Variants in ZC3H12B observed in about 807,000 individuals in gnomAD.
ZC3H12B encodes probable ribonuclease ZC3H12B.
A neutral mutation model predicts 43.9 loss-of-function variants in ZC3H12B; 7 were observed. That is an observed-to-expected ratio of 0.16 (90% CI 0.09 to 0.30). The LOEUF (loss-of-function observed/expected upper bound fraction) is 0.30. Ranked by LOEUF, ZC3H12B falls within the 10% of genes least tolerant of loss-of-function variation. ZC3H12B has a pLI of 1.00. For missense variants in ZC3H12B, 475 were observed against 670.2 expected (o/e 0.71, Z 3.22); for synonymous variants, 222 against 241.7 (o/e 0.92, Z 0.76).
At chrX:65,159,956 A>G in the ZC3H12B span, among the ~76,000 whole-genome samples, 1 of 112,000 alleles carries the variant, frequency 8.9e-6, no homozygotes, top group Middle Eastern at 4.2e-3. Context: ...TAATTTATTG[A>G]GAAATTTTAG....
chrX:65,095,906 A>G, the ZC3H12B span, among the ~76,000 whole-genome samples: 8 of 110,871 alleles, frequency 7.2e-5, no homozygotes, highest in Non-Finnish European at 1.3e-4. Flanking sequence ...CCCTTCCCCT[A>G]CAACTTACAA....
intron 2 of ZC3H12B, among the ~76,000 whole-genome samples, chrX:65,389,283 C>T (rs939167131): frequency 8.9e-6 from 1 of 112,180 alleles, no homozygotes; most frequent in East Asian, 2.8e-4. Flanking sequence ...GTGGGCTCCA[C>T]CCAGTTCGCG....
At chrX:65,299,662 G>C in the ZC3H12B span, among the ~76,000 whole-genome samples, 1 of 112,189 alleles carries the variant, frequency 8.9e-6, no homozygotes, top group East Asian at 2.8e-4. Context: ...TAACAGGCAG[G>C]ACTAAATTGC....
chrX:65,147,698 A>C, the ZC3H12B span, among the ~76,000 whole-genome samples: 1 of 111,148 alleles, frequency 9.0e-6, no homozygotes, highest in Non-Finnish European at 1.9e-5. Context: ...CTGAGTCATC[A>C]GGGATGATCC....
At chrX:65,498,399 T>C (rs1308078642) in intron 2 of ZC3H12B, among the ~76,000 whole-genome samples, 2 of 111,865 alleles carry the variant, frequency 1.8e-5, no homozygotes, top group Admixed American at 1.9e-4. Flanking sequence ...TGTGAAGCTA[T>C]TTGCCATCTG....
At chrX:65,436,022 T>G (rs1173756716) in intron 3 of ZC3H12B, among the ~76,000 whole-genome samples, 3 of 112,084 alleles carry the variant, frequency 2.7e-5, no homozygotes, top group Non-Finnish European at 5.6e-5. Context: ...TTAAATTGAC[T>G]CATGGATACA....
the ZC3H12B span, among the ~76,000 whole-genome samples, chrX:65,318,342 TTTCTTCC>T: frequency 2.0e-4 from 22 of 110,134 alleles, no homozygotes; most frequent in East Asian, 5.7e-4. Flanking sequence ...TTTCTTCTTC[TTTCTTCC>T]TTCTTCCTTC....
the ZC3H12B span, among the ~76,000 whole-genome samples, chrX:65,345,584 C>G: frequency 3.6e-5 from 4 of 111,248 alleles, no homozygotes; most frequent in Admixed American, 9.6e-5. Flanking sequence ...GGAAAAATAA[C>G]TAATGGGTAC....
intron 3 of ZC3H12B, among the ~76,000 whole-genome samples, chrX:65,406,036 T>C (rs1415945778): frequency 9.0e-6 from 1 of 111,702 alleles, no homozygotes; most frequent in Non-Finnish European, 1.9e-5. Flanking sequence ...AGGGACCCAG[T>C]GGCTTCACTG....
the ZC3H12B span, among the ~76,000 whole-genome samples, chrX:65,156,632 C>T: frequency 9.0e-6 from 1 of 111,101 alleles, no homozygotes; most frequent in African/African-American, 3.3e-5. Flanking sequence ...CCACCTGCCT[C>T]GGCCTCCCAA....
the ZC3H12B span, among the ~76,000 whole-genome samples, chrX:65,212,621 A>AAT: frequency 3.6e-5 from 3 of 83,983 alleles, no homozygotes; most frequent in Non-Finnish European, 6.5e-5. Context: ...TATGATATAT[A>AAT]ATATATATAA....
the ZC3H12B span, among the ~76,000 whole-genome samples, chrX:65,240,264 G>C: frequency 9.0e-6 from 1 of 111,686 alleles, no homozygotes; most frequent in Non-Finnish European, 1.9e-5. Flanking sequence ...TGGAGGTTTA[G>C]TTTGTTTTTT....
At chrX:65,202,691 A>G in the ZC3H12B span, among the ~76,000 whole-genome samples, 1 of 111,130 alleles carries the variant, frequency 9.0e-6, no homozygotes, top group Non-Finnish European at 1.9e-5. Flanking sequence ...GCTGGTTCAG[A>G]CCTGAAGCCA....
intron 3 of ZC3H12B, among the ~76,000 whole-genome samples, chrX:65,420,555 G>A (rs928820179): frequency 6.3e-5 from 7 of 111,742 alleles, no homozygotes; most frequent in Admixed American, 9.5e-5. Context: ...TAAGGATTAC[G>A]AACAGTAAGG....
chrX:65,063,144 C>T, the ZC3H12B span, among the ~76,000 whole-genome samples: 5 of 111,371 alleles, frequency 4.5e-5, no homozygotes, highest in Non-Finnish European at 9.4e-5. Flanking sequence ...TATTTGAATA[C>T]CTTTTATTTC....
At chrX:65,352,832 C>T in the ZC3H12B span, among the ~76,000 whole-genome samples, 1 of 111,522 alleles carries the variant, frequency 9.0e-6, no homozygotes, top group South Asian at 3.8e-4. Context: ...TGGTGATCTG[C>T]GATAAGAGAT....
the ZC3H12B span, among the ~76,000 whole-genome samples, chrX:65,353,565 C>G: frequency 8.9e-6 from 1 of 111,892 alleles, no homozygotes; most frequent in Non-Finnish European, 1.9e-5. Context: ...ATTAAAACTG[C>G]TAGTTTTTCT....
At chrX:65,356,626 T>C in the ZC3H12B span, among the ~76,000 whole-genome samples, 1 of 112,269 alleles carries the variant, frequency 8.9e-6, no homozygotes, top group East Asian at 2.8e-4. Context: ...TTTTTAAAGT[T>C]ATATTTTGTA....
chrX:65,053,157 T>G, the ZC3H12B span, among the ~76,000 whole-genome samples: 1 of 110,791 alleles, frequency 9.0e-6, no homozygotes, highest in Non-Finnish European at 1.9e-5. Context: ...GTGTACAACC[T>G]GCAGGTTTGT....
Sources: allele counts gnomAD v4.1 joint callset (sites outside exome capture counted in the v4.1 genomes callset), GRCh38; gene constraint gnomAD v4.1.1; transcripts MANE v1.5; gene names NCBI Gene and HGNC (gene_info 2026-07-23, HGNC 2026-07-21).